The following ZFHX3 variants were observed in gnomAD, a reference collection of about 807,000 sequenced individuals.
The protein encoded by ZFHX3 is zinc finger homeobox 3, also known as zinc finger homeobox protein 3.
In ZFHX3, 42 loss-of-function variants were observed where a neutral mutation model predicts 279.1. The observed-to-expected ratio is 0.15, with a 90% CI of 0.12 to 0.19. The LOEUF is 0.19. Among genes scored for constraint, ZFHX3 ranks in the 10% least tolerant of loss-of-function variants. ZFHX3 has a pLI of 1.00. For synonymous variants in ZFHX3, 2,293 were observed against 1,957.8 expected (o/e 1.17, Z -4.52); for missense variants, 4,981 against 4,754.0 (o/e 1.05, Z -1.40).
intron 1 of ZFHX3, among the ~76,000 whole-genome samples, chr16:73,698,704 G>A (rs1383362): frequency 0.78 from 119,290 of 152,060 alleles, 49,050 homozygotes; most frequent in Non-Finnish European, 0.92. Context: ...AGTACTCATT[G>A]AAACTGTCAA....
chr16:73,589,484 C>T (rs1328290953), intron 2 of ZFHX3, among the ~76,000 whole-genome samples: 1 of 149,280 alleles, frequency 6.7e-6, no homozygotes, highest in African/African-American at 2.5e-5. Context: ...GTAATCCCAG[C>T]ACTTTGGGAG....
chr16:72,890,096 T>A (rs2038732992), intron 3 of ZFHX3, 134 bp from the exon 4 acceptor site: 1 of 753,480 alleles, frequency 1.3e-6, no homozygotes. Flanking sequence ...AACAGGACAG[T>A]CTTTGATATG....
chr16:73,013,834 T>C (rs1376724843), intron 1 of ZFHX3, among the ~76,000 whole-genome samples: 3 of 152,072 alleles, frequency 2.0e-5, no homozygotes, highest in African/African-American at 4.8e-5. Flanking sequence ...GGGGGTCTCT[T>C]TCTTTGCCAA....
chr16:73,336,761 T>C (rs1017400740), intron 3 of ZFHX3, among the ~76,000 whole-genome samples: 1 of 152,166 alleles, frequency 6.6e-6, no homozygotes, highest in Admixed American at 6.5e-5. Context: ...TTCAAACCTT[T>C]CATCCACTAA....
intron 2 of ZFHX3, among the ~76,000 whole-genome samples, chr16:73,565,905 G>A (rs1483214956): frequency 6.6e-6 from 1 of 152,140 alleles, no homozygotes; most frequent in Non-Finnish European, 1.5e-5. Flanking sequence ...AAGAATCCTT[G>A]GCCAAATTCT....
At chr16:73,266,413 A>G (rs1295031173) in intron 4 of ZFHX3, among the ~76,000 whole-genome samples, 1 of 152,230 alleles carries the variant, frequency 6.6e-6, no homozygotes. Context: ...GATAACATCT[A>G]TACTTCCCTT....
chr16:73,473,799 A>G (rs918970924), intron 2 of ZFHX3, among the ~76,000 whole-genome samples: 2 of 152,230 alleles, frequency 1.3e-5, no homozygotes, highest in African/African-American at 4.8e-5. Flanking sequence ...GCTTAAGCCC[A>G]TAGGGAAACT....
rs1245155108 is a variant in ZFHX3, at chr16:72,829,702, C to A, written c.3529+77G>T. 2.6e-6 allele frequency: 4 copies of A among 1,531,208 alleles called. 1 individual carries two copies. The highest frequency in any genetic ancestry group is 3.6e-6 in the Non-Finnish European group (4 of 1,107,396). 94.9% of individuals were successfully genotyped at this position (1,531,208 alleles called of 1,614,324 possible). On this transcript the variant is annotated intron_variant, in intron 5 of 9. Transcript: ENST00000268489. ...CGCTCCCTGACTTGTTAGCTCCATT[C>A]TTCCAGGGAAGGAAAGATGAGAAGG... is the stretch of plus-strand genomic sequence containing the variant.
At chr16:73,876,947 A>G (rs930418973) in intron 1 of ZFHX3, among the ~76,000 whole-genome samples, 1 of 152,068 alleles carries the variant, frequency 6.6e-6, no homozygotes, top group African/African-American at 2.4e-5. Flanking sequence ...AATATTGTGA[A>G]GCCAATTTGG....
intron 5 of ZFHX3, among the ~76,000 whole-genome samples, chr16:73,220,451 T>C (rs1018538452): frequency 6.6e-6 from 1 of 152,058 alleles, no homozygotes; most frequent in Admixed American, 6.6e-5. Flanking sequence ...GGAGTGGGTT[T>C]CCATTGACAA....
chr16:72,877,139 T>C (rs1040581712), intron 4 of ZFHX3, among the ~76,000 whole-genome samples: 1 of 152,144 alleles, frequency 6.6e-6, no homozygotes, highest in Admixed American at 6.5e-5. Flanking sequence ...TCCCCGGTCT[T>C]ATGTGTTCTG....
intron 3 of ZFHX3, among the ~76,000 whole-genome samples, chr16:72,900,002 G>A (rs557453330): frequency 7.2e-5 from 11 of 152,148 alleles, no homozygotes; most frequent in South Asian, 2.1e-4. Context: ...TGATATATAG[G>A]AATTATGACA....
chr16:73,654,185 A>G (rs2052699377), intron 2 of ZFHX3, among the ~76,000 whole-genome samples: 1 of 148,356 alleles, frequency 6.7e-6, no homozygotes, highest in Non-Finnish European at 1.5e-5. Flanking sequence ...CTCAGTCTCA[A>G]AAAAAAAAAA....
chr16:73,620,456 A>C (rs2052347408), intron 2 of ZFHX3, among the ~76,000 whole-genome samples: 1 of 152,252 alleles, frequency 6.6e-6, no homozygotes, highest in African/African-American at 2.4e-5. Context: ...ATGAAGCTTC[A>C]GTGGCTGTCA....
intron 2 of ZFHX3, among the ~76,000 whole-genome samples, chr16:73,518,470 G>A (rs1167810148): frequency 3.3e-5 from 5 of 152,150 alleles, no homozygotes; most frequent in Non-Finnish European, 7.4e-5. Flanking sequence ...TTCATGAGGA[G>A]AAATCATCAT....
chr16:73,549,029 G>A (rs898002060), intron 2 of ZFHX3, among the ~76,000 whole-genome samples: 4 of 152,116 alleles, frequency 2.6e-5, no homozygotes, highest in Non-Finnish European at 5.9e-5. Context: ...TTACTTCTCA[G>A]AAATTACAAA....
chr16:73,851,005 TC>T (rs1032453871), intron 1 of ZFHX3, among the ~76,000 whole-genome samples: 1 of 152,028 alleles, frequency 6.6e-6, no homozygotes, highest in African/African-American at 2.4e-5. Context: ...ATCCTTTTTT[TC>T]CCCCTCCTTC....
intron 1 of ZFHX3, among the ~76,000 whole-genome samples, chr16:73,027,834 T>G (rs2144667785): frequency 6.6e-6 from 1 of 152,298 alleles, no homozygotes; most frequent in African/African-American, 2.4e-5. Flanking sequence ...ATCAGAGAAC[T>G]TTGCTTATCT....
intron 2 of ZFHX3, among the ~76,000 whole-genome samples, chr16:73,490,738 G>A (rs1234403863): frequency 6.6e-6 from 1 of 152,154 alleles, no homozygotes; most frequent in Non-Finnish European, 1.5e-5. Flanking sequence ...TCAGGAGGGT[G>A]AGGTGGAAGG....
Sources: gnomAD v4.1 joint callset for allele counts (sites outside exome capture counted in the v4.1 genomes callset) on GRCh38, gnomAD v4.1.1 for gene constraint, MANE v1.5 for transcripts, NCBI Gene and HGNC (gene_info 2026-07-23, HGNC 2026-07-21) for gene names.